Variants in TTC39C observed in about 807,000 individuals in gnomAD.
TTC39C encodes tetratricopeptide repeat protein 39C.
TTC39C carries 33 observed loss-of-function variants against 76.3 expected under a neutral mutation model. The observed-to-expected ratio is 0.43, with a 90% CI of 0.33 to 0.58. The LOEUF (loss-of-function observed/expected upper bound fraction) is 0.58, where lower values mean the gene tolerates loss of function less well. Among genes scored for constraint, TTC39C ranks in the 20% least tolerant of loss-of-function variants. TTC39C has a pLI of 0.04. For missense variants in TTC39C, 595 were observed against 701.4 expected, an observed-to-expected ratio of 0.85 and a Z score of 1.71; for synonymous variants, 254 against 260.6, an observed-to-expected ratio of 0.97 and a Z score of 0.24.
intron 5 of TTC39C, among the ~76,000 whole-genome samples, chr18:24,082,441 C>G (rs1489114628): frequency 6.6e-6 from 1 of 152,026 alleles, no homozygotes. Context: ...GATATTTAAA[C>G]TTAGATTCTA....
chr18:24,023,438 C>T (rs560879823), intron 1 of TTC39C, among the ~76,000 whole-genome samples: 4 of 152,310 alleles, frequency 2.6e-5, no homozygotes, highest in South Asian at 2.1e-4. Context: ...CACTCAGTCT[C>T]CTGCTTCCAA....
At chr18:24,003,441 G>A (rs2083328698) in intron 1 of TTC39C, among the ~76,000 whole-genome samples, 1 of 152,186 alleles carries the variant, frequency 6.6e-6, no homozygotes, top group Admixed American at 6.5e-5. Flanking sequence ...ATTCAATTAT[G>A]TCTTCCACAG....
At chr18:24,003,037 C>T (rs2083325927) in intron 1 of TTC39C, among the ~76,000 whole-genome samples, 1 of 152,184 alleles carries the variant, frequency 6.6e-6, no homozygotes, top group African/African-American at 2.4e-5. Context: ...CTCGTTGGCT[C>T]CTCTTTGCCT....
chr18:24,097,784 A>T (rs1238209440), intron 6 of TTC39C, among the ~76,000 whole-genome samples: 1 of 152,174 alleles, frequency 6.6e-6, no homozygotes. Context: ...CTTTCACCCA[A>T]GCTTCACCAT....
At chr18:24,093,130 A>G (rs1032937366) in intron 6 of TTC39C, among the ~76,000 whole-genome samples, 7 of 152,318 alleles carry the variant, frequency 4.6e-5, no homozygotes, top group Non-Finnish European at 8.8e-5. Context: ...ATTAAATTGT[A>G]CACTTTAAGT....
chr18:24,125,751 G>T, intron 10 of TTC39C: 1 of 567,598 alleles, frequency 1.8e-6, no homozygotes, highest in Non-Finnish European at 3.1e-6. Flanking sequence ...GCACTGCTGT[G>T]GACAGATATG....
rs1242852464 is a variant in TTC39C, at chr18:24,123,874, T to C, written c.1227T>C (p.Ile409=). The C allele has an allele frequency of 6.2e-7, 1 of 1,613,168 alleles. No individual in the cohort carries two copies. Among genetic ancestry groups the C allele is most frequent in the South Asian group, 1.1e-5 (1 of 90,994 alleles). ...CTGGTGATGTGGATGGGGCACAGAT[T>C]GTCTTTAAAGAAGTTCAGAAACTCT... ...GATGDVDGAQ[I]VFKEVQKLFK... The change falls in exon 9 of 14, where the codon ATT becomes ATC. Residue 409 remains isoleucine, a synonymous_variant. Transcript: ENST00000317571.
Position 24,113,429 on chromosome 18 carries a change from C to A in TTC39C, c.985-1125C>A. 3 of 609,136 alleles carry A rather than the reference C, an allele frequency of 4.9e-6. No homozygotes were observed. The South Asian group carries it at 5.9e-5, about 12-fold the overall frequency. The allele number at this position is 609,136 out of a possible 1,614,324, so 37.7% of individuals were successfully genotyped here. A position where few individuals can be genotyped will look rare whatever the true frequency, so the allele number is the denominator to read the frequency against. ...AGCCTGCAGCTTCTCCTCCAGGACC[C>A]TTCCAGCCCACCTGGCTGGCTGTGG... On this transcript the variant is annotated intron_variant, in intron 6 of 13. Coordinates refer to ENST00000317571, the MANE Select transcript of TTC39C (RefSeq NM_001135993.2).
chr18:24,048,485 G>A (rs2083911672), intron 1 of TTC39C, among the ~76,000 whole-genome samples: 1 of 152,156 alleles, frequency 6.6e-6, no homozygotes, highest in African/African-American at 2.4e-5. Flanking sequence ...TGAAGGCAGG[G>A]GCCAGTTATG....
At chr18:24,080,106 C>T (rs2084358953) in intron 4 of TTC39C, among the ~76,000 whole-genome samples, 1 of 152,162 alleles carries the variant, frequency 6.6e-6, no homozygotes, top group Non-Finnish European at 1.5e-5. Flanking sequence ...CCAACCTTGG[C>T]TAGAAATTTA....
At chr18:24,018,692 G>T (rs2083484480) in intron 1 of TTC39C, among the ~76,000 whole-genome samples, 1 of 152,036 alleles carries the variant, frequency 6.6e-6, no homozygotes, top group African/African-American at 2.4e-5. Context: ...AGTTGAATGA[G>T]GAGTTGGGAG....
intron 4 of TTC39C, among the ~76,000 whole-genome samples, chr18:24,075,022 A>G (rs750830184): frequency 3.9e-5 from 6 of 152,126 alleles, no homozygotes; most frequent in Admixed American, 6.5e-5. Flanking sequence ...GAAGCTGGAA[A>G]CCATCATTCT....
chr18:24,114,611 C>G lies in TTC39C; in HGVS notation c.1042C>G (p.Gln348Glu). The G allele has an allele frequency of 6.2e-7, 1 of 1,613,806 alleles. No homozygotes were observed. Among genetic ancestry groups the G allele is most frequent in the Non-Finnish European group, 8.5e-7 (1 of 1,179,908 alleles). Residue 348 changes from glutamine (Q) to glutamate (E), a missense_variant, in exon 7 of 14, where the codon CAG (glutamine) becomes GAG (glutamate). Coordinates refer to ENST00000317571, the MANE Select transcript of TTC39C (RefSeq NM_001135993.2). ...FHTALELAVDQREIQHVCLYE... is the reference protein window; with the variant it reads ...FHTALELAVDEREIQHVCLYE... Reference sequence around the variant, plus strand: ...CACTGCTTTGGAACTTGCAGTAGACCAGAGAGAAATTCAACATGTCTGTCT... The same window carrying G: ...CACTGCTTTGGAACTTGCAGTAGACGAGAGAGAAATTCAACATGTCTGTCT...
chr18:24,094,988 T>C (rs2084570661), intron 6 of TTC39C, among the ~76,000 whole-genome samples: 4 of 152,250 alleles, frequency 2.6e-5, no homozygotes, highest in Admixed American at 1.3e-4. Flanking sequence ...AAATTCTAGA[T>C]GGCATCTTCT....
At chr18:24,071,178 C>T (rs1439676986) in intron 4 of TTC39C, among the ~76,000 whole-genome samples, 3 of 152,138 alleles carry the variant, frequency 2.0e-5, no homozygotes. Context: ...CTGCCTGCCT[C>T]GGCCTCCCAA....
intron 1 of TTC39C, among the ~76,000 whole-genome samples, chr18:24,023,367 C>T (rs1008690916): frequency 2.0e-5 from 3 of 152,184 alleles, no homozygotes; most frequent in Non-Finnish European, 4.4e-5. Flanking sequence ...GAAGCAAAGC[C>T]GCTGCTGAGC....
At chr18:24,105,183 C>T (rs149001122) in intron 6 of TTC39C, among the ~76,000 whole-genome samples, 1 of 151,994 alleles carries the variant, frequency 6.6e-6, no homozygotes, top group Non-Finnish European at 1.5e-5. Context: ...AAGAAAAATG[C>T]CAAAACACCT....
chr18:24,021,123 G>A (rs1442208543), intron 1 of TTC39C, among the ~76,000 whole-genome samples: 1 of 152,122 alleles, frequency 6.6e-6, no homozygotes, highest in African/African-American at 2.4e-5. Context: ...GGCTACGAAG[G>A]ACTCAGGGAG....
chr18:23,999,023 G>T (rs2083291954), intron 1 of TTC39C, among the ~76,000 whole-genome samples: 2 of 152,144 alleles, frequency 1.3e-5, no homozygotes, highest in Non-Finnish European at 1.5e-5. Context: ...ACTGCCTCAG[G>T]TCTCTGTGTG....
Sources: allele counts gnomAD v4.1 joint callset (sites outside exome capture counted in the v4.1 genomes callset), GRCh38; gene constraint gnomAD v4.1.1; transcripts MANE v1.5; gene names NCBI Gene and HGNC (gene_info 2026-07-23, HGNC 2026-07-21).